Variants in MNAT1 observed in about 807,000 individuals in gnomAD.
The protein encoded by MNAT1 is MNAT1 component of CDK activating kinase.
In MNAT1, 43 loss-of-function variants were observed where a neutral mutation model predicts 42.0. The observed-to-expected ratio is 1.02, with a 90% CI of 0.80 to 1.32. The LOEUF (loss-of-function observed/expected upper bound fraction) is 1.32, where lower values mean the gene tolerates loss of function less well. MNAT1 is among the 40% of genes most tolerant of loss of function. The pLI is 0.00. For synonymous variants in MNAT1, 118 were observed against 120.0 expected, an observed-to-expected ratio of 0.98 and a Z score of 0.11; for missense variants, 306 against 350.4, an observed-to-expected ratio of 0.87 and a Z score of 1.01.
chr14:60,833,120 C>A (rs529800414), intron 6 of MNAT1, among the ~76,000 whole-genome samples: 17 of 152,230 alleles, frequency 1.1e-4, no homozygotes, highest in African/African-American at 3.9e-4. Flanking sequence ...GTGTCATCTG[C>A]AAACAGAGAC....
At chr14:60,909,223 G>A (rs2035287639) in intron 7 of MNAT1, among the ~76,000 whole-genome samples, 1 of 152,040 alleles carries the variant, frequency 6.6e-6, no homozygotes, top group Non-Finnish European at 1.5e-5. Flanking sequence ...CTGGATATTA[G>A]CCCTTTGTCA....
chr14:60,899,373 G>A (rs1177331688), intron 7 of MNAT1, among the ~76,000 whole-genome samples: 1 of 152,150 alleles, frequency 6.6e-6, no homozygotes, highest in Admixed American at 6.5e-5. Context: ...GAAAATAATT[G>A]TAGTAGTTAT....
chr14:60,815,228 T>A (rs2032674887), intron 5 of MNAT1, among the ~76,000 whole-genome samples: 1 of 152,090 alleles, frequency 6.6e-6, no homozygotes, highest in South Asian at 2.1e-4. Flanking sequence ...TTTCCCTTTT[T>A]TTTTTTGAGA....
At chr14:60,931,976 G>C (rs983730947) in intron 7 of MNAT1, among the ~76,000 whole-genome samples, 1 of 151,852 alleles carries the variant, frequency 6.6e-6, no homozygotes, top group Non-Finnish European at 1.5e-5. Flanking sequence ...AATTAAGTTT[G>C]TGTGTAAATA....
intron 6 of MNAT1, among the ~76,000 whole-genome samples, chr14:60,824,736 A>G (rs2033001115): frequency 6.6e-6 from 1 of 152,212 alleles, no homozygotes; most frequent in African/African-American, 2.4e-5. Context: ...TAAAATGCTA[A>G]AGCTGGTGCC....
At chr14:60,844,750 C>T (rs1351224838) in intron 6 of MNAT1, among the ~76,000 whole-genome samples, 1 of 152,010 alleles carries the variant, frequency 6.6e-6, no homozygotes, top group Non-Finnish European at 1.5e-5. Context: ...ATATGTCATA[C>T]TAGCTGTAGA....
At chr14:60,957,034 G>A (rs2036499130) in intron 7 of MNAT1, among the ~76,000 whole-genome samples, 1 of 151,998 alleles carries the variant, frequency 6.6e-6, no homozygotes, top group Admixed American at 6.6e-5. Flanking sequence ...TTTGTTAATG[G>A]TGTTGTAGTT....
At chr14:60,862,030 A>G (rs2034106965) in intron 6 of MNAT1, among the ~76,000 whole-genome samples, 1 of 152,224 alleles carries the variant, frequency 6.6e-6, no homozygotes, top group Non-Finnish European at 1.5e-5. Flanking sequence ...TTTGAAATTA[A>G]AAAGAAAACA....
chr14:60,917,610 GTTTTTTTTT>G (rs1378880381), intron 7 of MNAT1, among the ~76,000 whole-genome samples: 3 of 147,382 alleles, frequency 2.0e-5, no homozygotes, highest in Admixed American at 2.0e-4. Context: ...TTTGAGTTTT[GTTTTTTTTT>G]TGTTTCTTTT....
intron 2 of MNAT1, among the ~76,000 whole-genome samples, chr14:60,797,120 A>C (rs1444762093): frequency 6.6e-6 from 1 of 152,038 alleles, no homozygotes; most frequent in African/African-American, 2.4e-5. Flanking sequence ...AATAATTGAT[A>C]TGTTTATTTT....
chr14:60,792,632 T>C (rs2031864902), intron 1 of MNAT1, among the ~76,000 whole-genome samples: 1 of 152,172 alleles, frequency 6.6e-6, no homozygotes, highest in African/African-American at 2.4e-5. Flanking sequence ...CTATGAATAT[T>C]TCTTTTAGGC....
At chr14:60,830,642 T>C (rs1391572893) in intron 6 of MNAT1, among the ~76,000 whole-genome samples, 1 of 152,206 alleles carries the variant, frequency 6.6e-6, no homozygotes, top group African/African-American at 2.4e-5. Context: ...TGGAATTTTA[T>C]CAATGCACCA....
intron 7 of MNAT1, among the ~76,000 whole-genome samples, chr14:60,910,340 G>A (rs2035320150): frequency 1.3e-5 from 2 of 151,934 alleles, no homozygotes; most frequent in South Asian, 2.1e-4. Context: ...TGATTGCCCT[G>A]GCCAGAACTT....
At chr14:60,955,378 C>G (rs1308339398) in intron 7 of MNAT1, among the ~76,000 whole-genome samples, 1 of 151,904 alleles carries the variant, frequency 6.6e-6, no homozygotes, top group Non-Finnish European at 1.5e-5. Context: ...ATTATAGATT[C>G]AGGCCAGGTG....
intron 7 of MNAT1, among the ~76,000 whole-genome samples, chr14:60,928,350 A>G (rs529755955): frequency 3.0e-4 from 45 of 152,246 alleles, no homozygotes; most frequent in Non-Finnish European, 5.4e-4. Flanking sequence ...GTTTGCATGT[A>G]TGTTTTCATA....
In MNAT1 at chr14:60,942,003, CAAAAAAAAAAAAAA is replaced by C. The variant is rs3080602; in HGVS notation, c.810-26210_810-26197del. 3.7e-4 allele frequency among the ~76,000 whole-genome samples: 11 copies of C among 29,942 alleles called. No homozygotes were observed. In the East Asian group the frequency reaches 8.5e-3, roughly 23 times the overall value. 19.6% of individuals were successfully genotyped at this position (29,942 alleles called of 152,430 possible). On this transcript the variant is annotated intron_variant, in intron 7 of 7. Coordinates refer to ENST00000261245, the MANE Select transcript of MNAT1 (RefSeq NM_002431.4). ...TGGGCGACAGAATGAGGCTCCATCT[CAAAAAAAAAAAAAA>C]AAAAAAAAAAAAAAAGTCAATAAAT...
In MNAT1 at chr14:60,935,214, T is replaced by C. The variant is rs538805491; in HGVS notation, c.810-33015T>C. Among the ~76,000 whole-genome samples, 41 of 152,228 alleles carry C rather than the reference T, an allele frequency of 2.7e-4. 1 individual carries two copies. The South Asian group carries it at 8.1e-3, about 30-fold the overall frequency. On this transcript the variant is annotated intron_variant, in intron 7 of 7. Coordinates refer to ENST00000261245, the MANE Select transcript of MNAT1 (RefSeq NM_002431.4). ...CTTGAAGAGGACCATTTGTGTTACG[T>C]AGATAGGGGCCATATTTCAGGCAAT...
rs2036696057 is a variant in MNAT1, at chr14:60,967,097, AAATTATAGCT to A, written c.810-1127_810-1118del. ...AACCTTGATTTGTGGCAATGTGAAT[AAATTATAGCT>A]AATTCCAGGAACTTAGCTGCATCCT... On this transcript the variant is annotated intron_variant, in intron 7 of 7. Transcript: ENST00000261245. Among the ~76,000 whole-genome samples the A allele has an allele frequency of 3.3e-5, 5 of 152,316 alleles. No homozygotes were observed. In the South Asian group the frequency reaches 8.3e-4, roughly 25 times the overall value.
intron 7 of MNAT1, among the ~76,000 whole-genome samples, chr14:60,907,262 G>A (rs1275026442): frequency 1.3e-5 from 2 of 151,824 alleles, no homozygotes; most frequent in Admixed American, 6.6e-5. Context: ...GTGAAACCTC[G>A]TTTCTACTAA....
Sources: allele counts gnomAD v4.1 joint callset (sites outside exome capture counted in the v4.1 genomes callset), GRCh38; gene constraint gnomAD v4.1.1; transcripts MANE v1.5; gene names NCBI Gene and HGNC (gene_info 2026-07-23, HGNC 2026-07-21).